The following CADM1 variants were observed in gnomAD, a reference collection of about 807,000 sequenced individuals.
CADM1 encodes cell adhesion molecule 1.
A neutral mutation model predicts 53.1 loss-of-function variants in CADM1; 15 were observed. The observed-to-expected ratio is 0.28, with a 90% CI of 0.19 to 0.44. CADM1 has a LOEUF of 0.44. Ranked by LOEUF, CADM1 falls within the 20% of genes least tolerant of loss-of-function variation. The pLI is 1.00. For missense variants in CADM1, 434 were observed against 611.3 expected (o/e 0.71, Z 3.06); for synonymous variants, 281 against 243.0 (o/e 1.16, Z -1.45).
intron 1 of CADM1, among the ~76,000 whole-genome samples, chr11:115,334,012 A>T (rs1451509430): frequency 6.6e-6 from 1 of 152,192 alleles, no homozygotes; most frequent in Non-Finnish European, 1.5e-5. Context: ...ATGCCATAGC[A>T]TAAATGTTCA....
At chr11:115,428,781 G>A (rs112261783) in intron 1 of CADM1, among the ~76,000 whole-genome samples, 1 of 2,544 alleles carries the variant, frequency 3.9e-4, no homozygotes, top group South Asian at 0.012. Flanking sequence ...GTGTGTGTGC[G>A]TGTGTGTGTG....
intron 1 of CADM1, among the ~76,000 whole-genome samples, chr11:115,435,718 G>A (rs1948169385): frequency 6.6e-6 from 1 of 152,180 alleles, no homozygotes; most frequent in Admixed American, 6.5e-5. Flanking sequence ...GCCATAGAGT[G>A]AGACTCCGTC....
intron 1 of CADM1, among the ~76,000 whole-genome samples, chr11:115,487,929 T>C (rs1304600797): frequency 6.6e-6 from 1 of 152,176 alleles, no homozygotes; most frequent in Non-Finnish European, 1.5e-5. Context: ...CAAATCATTA[T>C]TTACTTGACA....
At chr11:115,379,235 T>C (rs542457736) in intron 1 of CADM1, among the ~76,000 whole-genome samples, 1 of 152,360 alleles carries the variant, frequency 6.6e-6, no homozygotes, top group South Asian at 2.1e-4. Flanking sequence ...GTTGCTAAGA[T>C]TATCTGGCTT....
intron 1 of CADM1, among the ~76,000 whole-genome samples, chr11:115,437,268 G>A (rs552456552): frequency 3.9e-5 from 6 of 152,262 alleles, no homozygotes; most frequent in Admixed American, 6.5e-5. Flanking sequence ...TTCTGAGCTT[G>A]TTCAATCCTT....
At chr11:115,437,041 G>A (rs1438325298) in intron 1 of CADM1, among the ~76,000 whole-genome samples, 2 of 152,158 alleles carry the variant, frequency 1.3e-5, no homozygotes, top group Admixed American at 6.5e-5. Context: ...TGAGTAAAAC[G>A]TCTGTTAGAG....
rs569644830 is a variant in CADM1, at chr11:115,247,479, A to G, written c.125-7059T>C. Among the ~76,000 whole-genome samples the G allele has an allele frequency of 2.6e-5, 4 of 152,372 alleles. No homozygotes were observed. The South Asian group carries it at 8.3e-4, about 32-fold the overall frequency. On this transcript the variant is annotated intron_variant, in intron 1 of 11. Transcript: ENST00000331581. ...AAAAAAGGCTGAAATTCCATCCTTC[A>G]TCCACCCTTTGAAAGGTCTGCAGGG... is the stretch of plus-strand genomic sequence containing the variant.
At chr11:115,225,567 TAACA>T (rs1019687536) in intron 5 of CADM1, among the ~76,000 whole-genome samples, 8 of 152,256 alleles carry the variant, frequency 5.3e-5, no homozygotes, top group Admixed American at 1.3e-4. Context: ...ATAAGGGTCC[TAACA>T]AACAAACACT....
intron 1 of CADM1, among the ~76,000 whole-genome samples, chr11:115,466,794 A>G (rs1479928445): frequency 6.6e-6 from 1 of 152,218 alleles, no homozygotes; most frequent in Non-Finnish European, 1.5e-5. Context: ...ATCAAAGAGC[A>G]TGAAAGCTGA....
intron 1 of CADM1, among the ~76,000 whole-genome samples, chr11:115,440,447 T>G (rs1948283966): frequency 6.6e-6 from 1 of 152,214 alleles, no homozygotes; most frequent in Admixed American, 6.5e-5. Context: ...AATATTTGAA[T>G]GAGAAAATCA....
At chr11:115,239,632 TG>T (rs1942144972) in intron 2 of CADM1, among the ~76,000 whole-genome samples, 1 of 152,040 alleles carries the variant, frequency 6.6e-6, no homozygotes, top group Non-Finnish European at 1.5e-5. Flanking sequence ...CCTGAGGTAT[TG>T]GGGAGGAAGG....
At chr11:115,454,900 C>G (rs1274143285) in intron 1 of CADM1, among the ~76,000 whole-genome samples, 4 of 152,162 alleles carry the variant, frequency 2.6e-5, no homozygotes, top group Non-Finnish European at 4.4e-5. Flanking sequence ...GGCACCCTAT[C>G]TTCTGGTATT....
In CADM1 at chr11:115,437,366, G is replaced by A. The variant is rs220854; in HGVS notation, c.124+66905C>T. The stretch of plus-strand genomic sequence containing the variant: ...CTGGGCCTAGATAGACAAGACATGA[G>A]TCCAATTCTCTCTGGACTTAAGAAA... On this transcript the variant is annotated intron_variant, in intron 1 of 11. Transcript: ENST00000331581. Among the ~76,000 whole-genome samples, 864 of 152,260 alleles carry A rather than the reference G, an allele frequency of 5.7e-3. 11 individuals are homozygous for A. The highest frequency in any genetic ancestry group is 0.019 in the African/African-American group (791 of 41,562).
chr11:115,190,842 C>T (rs1329166893), intron 10 of CADM1, 46 bp downstream of exon 10: 30 of 1,512,352 alleles, frequency 2.0e-5, no homozygotes, highest in African/African-American at 2.7e-5. Context: ...GATAGAGCAC[C>T]CACAGGTTGG....
At chr11:115,355,367 C>A (rs1255485065) in intron 1 of CADM1, among the ~76,000 whole-genome samples, 3 of 151,998 alleles carry the variant, frequency 2.0e-5, no homozygotes, top group Non-Finnish European at 4.4e-5. Flanking sequence ...AACAGAAAAA[C>A]CAAATACTAA....
intron 10 of CADM1, among the ~76,000 whole-genome samples, chr11:115,187,969 C>G (rs1939658348): frequency 6.6e-6 from 1 of 152,096 alleles, no homozygotes; most frequent in Non-Finnish European, 1.5e-5. Flanking sequence ...TTTGAGGAAT[C>G]ATGACAGCTC....
At chr11:115,212,130 T>C (rs1940992665) in intron 7 of CADM1, among the ~76,000 whole-genome samples, 1 of 152,190 alleles carries the variant, frequency 6.6e-6, no homozygotes, top group African/African-American at 2.4e-5. Context: ...CTTAAGAAAG[T>C]ACAGAGTTGG....
At chr11:115,393,837 C>T (rs1374642343) in intron 1 of CADM1, among the ~76,000 whole-genome samples, 1 of 151,908 alleles carries the variant, frequency 6.6e-6, no homozygotes, top group Non-Finnish European at 1.5e-5. Context: ...TGAATATAAA[C>T]TAAAGTTACT....
intron 1 of CADM1, among the ~76,000 whole-genome samples, chr11:115,449,463 T>G (rs1036072320): frequency 3.9e-5 from 6 of 152,180 alleles, no homozygotes; most frequent in Non-Finnish European, 8.8e-5. Flanking sequence ...CCTCAGGGCT[T>G]TGAATTACTA....
Sources: gnomAD v4.1 joint callset for allele counts (sites outside exome capture counted in the v4.1 genomes callset) on GRCh38, gnomAD v4.1.1 for gene constraint, MANE v1.5 for transcripts, NCBI Gene and HGNC (gene_info 2026-07-23, HGNC 2026-07-21) for gene names.